Variants in NRG3 observed in about 807,000 individuals in gnomAD.
NRG3 encodes neuregulin 3.
A neutral mutation model predicts 66.9 loss-of-function variants in NRG3; 31 were observed. The ratio of observed to expected loss-of-function variants is 0.46; its 90% CI spans 0.35 to 0.63. The LOEUF (loss-of-function observed/expected upper bound fraction) is 0.63. Ranked by LOEUF, NRG3 falls within the 20% of genes least tolerant of loss-of-function variation. NRG3 has a pLI of 0.00. For synonymous variants in NRG3, 393 were observed against 359.4 expected, an observed-to-expected ratio of 1.09 and a Z score of -1.06; for missense variants, 910 against 878.9, an observed-to-expected ratio of 1.04 and a Z score of -0.45.
chr10:82,164,126 G>A (rs563533981), intron 1 of NRG3, among the ~76,000 whole-genome samples: 16 of 152,044 alleles, frequency 1.1e-4, no homozygotes, highest in African/African-American at 3.9e-4. Flanking sequence ...TCACCATGTT[G>A]ACCAGGCTGG....
intron 2 of NRG3, among the ~76,000 whole-genome samples, chr10:82,731,768 T>G (rs990331151): frequency 6.6e-6 from 1 of 152,212 alleles, no homozygotes; most frequent in Non-Finnish European, 1.5e-5. Flanking sequence ...ATACTAATTT[T>G]ATTTCCTTTG....
At chr10:82,760,923 C>T (rs898166821) in intron 3 of NRG3, among the ~76,000 whole-genome samples, 7 of 151,592 alleles carry the variant, frequency 4.6e-5, no homozygotes, top group Admixed American at 4.6e-4. Flanking sequence ...TTAAAAATAT[C>T]ATATTCCCAA....
At position 81,914,804 on chromosome 10, in the gene NRG3, G is replaced by A. The variant is rs1192035209; in HGVS notation, c.823+38641G>A. ...AAAAAAAAAAAGAAAGACATGAATT[G>A]TATGATTCCATTTTTGCTTTGGTCA... On this transcript the variant is annotated intron_variant, in intron 1 of 8. Transcript: ENST00000372141. Among the ~76,000 whole-genome samples the A allele has an allele frequency of 5.0e-5, 7 of 140,602 alleles. No individual in the cohort carries two copies. In the South Asian group the frequency reaches 1.4e-3, roughly 29 times the overall value. 92.2% of individuals were successfully genotyped at this position (140,602 alleles called of 152,430 possible).
intron 1 of NRG3, among the ~76,000 whole-genome samples, chr10:81,913,634 G>A (rs990933661): frequency 1.3e-5 from 2 of 152,056 alleles, no homozygotes; most frequent in African/African-American, 4.8e-5. Flanking sequence ...ATGTTGGCCA[G>A]GCTGGTCTCG....
chr10:82,080,010 C>T (rs1165017260), intron 1 of NRG3, among the ~76,000 whole-genome samples: 12 of 152,154 alleles, frequency 7.9e-5, no homozygotes, highest in Admixed American at 7.9e-4. Flanking sequence ...ATAGAAAAAT[C>T]TGCATGCCTT....
intron 1 of NRG3, among the ~76,000 whole-genome samples, chr10:82,124,410 T>C (rs1262329197): frequency 6.6e-6 from 1 of 152,070 alleles, no homozygotes; most frequent in Non-Finnish European, 1.5e-5. Flanking sequence ...TCTCCCAAAA[T>C]ATATACTTTT....
At chr10:82,966,221 G>T (rs1212680051) in intron 6 of NRG3, among the ~76,000 whole-genome samples, 1 of 152,168 alleles carries the variant, frequency 6.6e-6, no homozygotes, top group Non-Finnish European at 1.5e-5. Flanking sequence ...GTGTTCACCT[G>T]ATTGCTGCCT....
chr10:82,418,150 A>G (rs2088721277), intron 2 of NRG3, among the ~76,000 whole-genome samples: 1 of 152,196 alleles, frequency 6.6e-6, no homozygotes, highest in South Asian at 2.1e-4. Context: ...GTCAGCTCCT[A>G]TAGTACCAGT....
chr10:82,324,139 A>G (rs1402933930), intron 1 of NRG3, among the ~76,000 whole-genome samples: 1 of 152,186 alleles, frequency 6.6e-6, no homozygotes, highest in Non-Finnish European at 1.5e-5. Context: ...TGCTGGGATT[A>G]CAGGCGTGAG....
chr10:82,080,188 T>A (rs2065310041), intron 1 of NRG3, among the ~76,000 whole-genome samples: 1 of 152,044 alleles, frequency 6.6e-6, no homozygotes, highest in African/African-American at 2.4e-5. Context: ...CACACTTGAC[T>A]CTTCATGACA....
Position 82,777,201 on chromosome 10 carries a change from C to T in NRG3, c.1027+38551C>T, listed in dbSNP as rs181689936. ...CAGCTGTGATCAACATTATTGATAA[C>T]TGCAGTTGCCTCAGTGGTCTACACT... is the stretch of plus-strand genomic sequence containing the variant. On this transcript the variant is annotated intron_variant, in intron 3 of 8. Transcript: ENST00000372141. 5.3e-5 allele frequency among the ~76,000 whole-genome samples: 8 copies of T among 152,254 alleles called. No individual in the cohort carries two copies. The East Asian group carries it at 1.4e-3, about 26-fold the overall frequency.
At chr10:82,540,761 G>C (rs1197887855) in intron 2 of NRG3, among the ~76,000 whole-genome samples, 1 of 152,150 alleles carries the variant, frequency 6.6e-6, no homozygotes, top group African/African-American at 2.4e-5. Context: ...TATGGAAATA[G>C]AAAACATTAG....
chr10:82,935,052 T>A (rs1564644099), intron 4 of NRG3, among the ~76,000 whole-genome samples: 1 of 152,244 alleles, frequency 6.6e-6, no homozygotes, highest in East Asian at 1.9e-4. Context: ...TCCATTCATA[T>A]CTGTGAATTA....
intron 2 of NRG3, among the ~76,000 whole-genome samples, chr10:82,559,788 G>A (rs1204207639): frequency 6.6e-6 from 1 of 152,072 alleles, no homozygotes; most frequent in Admixed American, 6.6e-5. Flanking sequence ...TCCAAGTGCA[G>A]CAAATATAGG....
chr10:82,551,976 T>G (rs1216696173), intron 2 of NRG3, among the ~76,000 whole-genome samples: 1 of 152,186 alleles, frequency 6.6e-6, no homozygotes, highest in East Asian at 1.9e-4. Flanking sequence ...AATTCATTGT[T>G]GAGGGACTGG....
At chr10:82,165,454 T>G (rs2071966442) in intron 1 of NRG3, among the ~76,000 whole-genome samples, 1 of 152,092 alleles carries the variant, frequency 6.6e-6, no homozygotes, top group Non-Finnish European at 1.5e-5. Flanking sequence ...GCAAAATAGC[T>G]TATTTATTTT....
At chr10:82,349,924 C>T (rs1017372584) in intron 1 of NRG3, among the ~76,000 whole-genome samples, 9 of 152,172 alleles carry the variant, frequency 5.9e-5, no homozygotes, top group South Asian at 2.1e-4. Context: ...TGCTTCGGCT[C>T]GCGCACGGTG....
At chr10:82,376,071 CT>C (rs2085211356) in intron 2 of NRG3, among the ~76,000 whole-genome samples, 1 of 152,126 alleles carries the variant, frequency 6.6e-6, no homozygotes, top group African/African-American at 2.4e-5. Context: ...ACCTGAGCAG[CT>C]TTTAAAAATC....
intron 4 of NRG3, among the ~76,000 whole-genome samples, chr10:82,911,982 T>C (rs1018514553): frequency 3.9e-5 from 6 of 152,148 alleles, no homozygotes; most frequent in Non-Finnish European, 7.4e-5. Flanking sequence ...TTTTGCCTCA[T>C]CTCCTTTGAT....
Sources: gnomAD v4.1 joint callset for allele counts (sites outside exome capture counted in the v4.1 genomes callset) on GRCh38, gnomAD v4.1.1 for gene constraint, MANE v1.5 for transcripts, NCBI Gene and HGNC (gene_info 2026-07-23, HGNC 2026-07-21) for gene names.